The following PRKG1 variants were observed in gnomAD, a reference collection of about 807,000 sequenced individuals.
The protein encoded by PRKG1 is protein kinase cGMP-dependent 1.
Under a neutral mutation model 88.1 loss-of-function variants are expected in PRKG1, and 35 were observed. The ratio of observed to expected loss-of-function variants is 0.40; its 90% CI spans 0.30 to 0.53. PRKG1 has a LOEUF of 0.53. Ranked by LOEUF, PRKG1 falls within the 20% of genes least tolerant of loss-of-function variation. The probability of loss-of-function intolerance (pLI) is 0.59; values close to 1 mark genes in which losing one functional copy is unlikely to be tolerated. For synonymous variants in PRKG1, 303 were observed against 292.5 expected, an observed-to-expected ratio of 1.04 and a Z score of -0.37; for missense variants, 540 against 839.8, an observed-to-expected ratio of 0.64 and a Z score of 4.41.
intron 4 of PRKG1, among the ~76,000 whole-genome samples, chr10:51,850,495 A>ATATATATG (rs1282280813): frequency 6.6e-6 from 1 of 151,658 alleles, no homozygotes; most frequent in African/African-American, 2.4e-5. Context: ...AATTTTATAT[A>ATATATATG]TATATATATG....
intron 2 of PRKG1, among the ~76,000 whole-genome samples, chr10:51,276,414 G>T (rs571869709): frequency 2.6e-5 from 4 of 152,108 alleles, no homozygotes; most frequent in Non-Finnish European, 2.9e-5. Flanking sequence ...GAATAGTGCC[G>T]CAATAAACAT....
chr10:51,351,696 C>T (rs1322843231), intron 2 of PRKG1, among the ~76,000 whole-genome samples: 1 of 152,038 alleles, frequency 6.6e-6, no homozygotes, highest in African/African-American at 2.4e-5. Flanking sequence ...TGTAGGTTGT[C>T]TGTTCTCTCT....
chr10:51,193,243 G>C (rs768356912), intron 2 of PRKG1, among the ~76,000 whole-genome samples: 1 of 151,968 alleles, frequency 6.6e-6, no homozygotes, highest in Non-Finnish European at 1.5e-5. Context: ...CTCGAGCATA[G>C]AGTAGCTTTT....
chr10:51,228,038 G>T (rs1307482501), intron 2 of PRKG1, among the ~76,000 whole-genome samples: 1 of 152,164 alleles, frequency 6.6e-6, no homozygotes, highest in African/African-American at 2.4e-5. Flanking sequence ...TCTCAGGGAA[G>T]CATTCATATG....
At chr10:52,285,509 A>G (rs1190583042) in intron 14 of PRKG1, among the ~76,000 whole-genome samples, 1 of 152,084 alleles carries the variant, frequency 6.6e-6, no homozygotes, top group Non-Finnish European at 1.5e-5. Flanking sequence ...ACCAGTCTAG[A>G]ATTTGCCCTA....
intron 3 of PRKG1, among the ~76,000 whole-genome samples, chr10:51,533,655 A>G (rs1439038487): frequency 6.6e-6 from 1 of 151,024 alleles, no homozygotes; most frequent in Non-Finnish European, 1.5e-5. Context: ...AACATTTACC[A>G]CTTCCTCAAA....
chr10:52,194,820 A>G (rs1252574912), intron 9 of PRKG1, among the ~76,000 whole-genome samples: 2 of 152,222 alleles, frequency 1.3e-5, no homozygotes, highest in Non-Finnish European at 2.9e-5. Context: ...AAAAAATGAA[A>G]TGTAGCACAA....
At chr10:51,632,971 A>G (rs1011485425) in intron 3 of PRKG1, among the ~76,000 whole-genome samples, 1 of 152,146 alleles carries the variant, frequency 6.6e-6, no homozygotes, top group Admixed American at 6.5e-5. Flanking sequence ...ATTTTTAGAG[A>G]TTATGTCCAA....
chr10:51,614,427 T>TA (rs961340842), intron 3 of PRKG1, among the ~76,000 whole-genome samples: 10 of 148,200 alleles, frequency 6.7e-5, no homozygotes, highest in East Asian at 2.0e-4. Context: ...GTTGTATCTT[T>TA]AAAAAAAAAA....
chr10:51,512,421 AC>A (rs1841445154), intron 3 of PRKG1, among the ~76,000 whole-genome samples: 1 of 132,584 alleles, frequency 7.5e-6, no homozygotes. Context: ...TTCAATTTCC[AC>A]CTATGAGTGA....
At chr10:51,359,956 C>G (rs1242938940) in intron 2 of PRKG1, among the ~76,000 whole-genome samples, 1 of 151,932 alleles carries the variant, frequency 6.6e-6, no homozygotes, top group Non-Finnish European at 1.5e-5. Context: ...TTCTGCTTCT[C>G]CCACTGAATG....
chr10:52,024,792 G>A (rs1170527986), intron 5 of PRKG1, among the ~76,000 whole-genome samples: 28 of 152,104 alleles, frequency 1.8e-4, no homozygotes, highest in African/African-American at 6.8e-4. Flanking sequence ...ATAAACATAC[G>A]TGTGCATGTG....
In PRKG1 at chr10:51,785,697, C is replaced by T. The variant is rs188479870; in HGVS notation, c.593-18888C>T. On this transcript the variant is annotated intron_variant, in intron 3 of 17. Transcript: ENST00000373980. ...AACTAAGGTGTACTTCAGCTGATGG[C>T]TCCTGTCAACATGATGCCATGCTCA... is the stretch of plus-strand genomic sequence containing the variant. Among the ~76,000 whole-genome samples, 18 of 152,220 alleles carry T rather than the reference C, an allele frequency of 1.2e-4. No homozygotes were observed. The East Asian group carries it at 3.3e-3, about 28-fold the overall frequency.
chr10:51,011,013 A>T (rs937116546), intron 1 of PRKG1, among the ~76,000 whole-genome samples: 4 of 152,202 alleles, frequency 2.6e-5, no homozygotes, highest in African/African-American at 9.6e-5. Context: ...GGGTTGAAGG[A>T]TAATTATTCA....
intron 5 of PRKG1, among the ~76,000 whole-genome samples, chr10:51,978,264 G>A (rs1843899602): frequency 6.6e-6 from 1 of 151,866 alleles, no homozygotes; most frequent in South Asian, 2.1e-4. Flanking sequence ...AAGATGAGAT[G>A]GTTTTAGGTG....
At chr10:51,976,925 T>C (rs1904040) in intron 5 of PRKG1, among the ~76,000 whole-genome samples, 151,169 of 152,122 alleles carry the variant, frequency 0.99, 75,119 homozygotes, top group Middle Eastern at 1. Context: ...TTTTTCCATA[T>C]ATATTGAATG....
At chr10:52,211,062 T>G (rs1839959101) in intron 9 of PRKG1, among the ~76,000 whole-genome samples, 1 of 152,212 alleles carries the variant, frequency 6.6e-6, no homozygotes, top group African/African-American at 2.4e-5. Context: ...GCAATGAAAT[T>G]CTACTTGGAT....
intron 9 of PRKG1, among the ~76,000 whole-genome samples, chr10:52,173,921 G>A (rs1022197306): frequency 1.3e-5 from 2 of 152,048 alleles, no homozygotes; most frequent in African/African-American, 4.8e-5. Context: ...ATGAGTCATT[G>A]GGTCTTTAAC....
chr10:51,381,644 A>C (rs1377290522), intron 2 of PRKG1, among the ~76,000 whole-genome samples: 1 of 152,232 alleles, frequency 6.6e-6, no homozygotes, highest in East Asian at 1.9e-4. Flanking sequence ...CTCATTGCTT[A>C]GTCATTAAAA....
Sources: allele counts gnomAD v4.1 joint callset (sites outside exome capture counted in the v4.1 genomes callset), GRCh38; gene constraint gnomAD v4.1.1; transcripts MANE v1.5; gene names NCBI Gene and HGNC (gene_info 2026-07-23, HGNC 2026-07-21).